CCDC171: variants seen among roughly 807,000 people sequenced by gnomAD.
CCDC171 encodes the protein coiled-coil domain-containing protein 171.
CCDC171 carries 177 observed loss-of-function variants against 168.2 expected under a neutral mutation model. That is an observed-to-expected ratio of 1.05 (90% CI 0.93 to 1.19). The LOEUF is 1.19. Ranked by LOEUF, CCDC171 falls within the 50% of genes most tolerant of loss-of-function variation. CCDC171 has a pLI of 0.00. For missense variants in CCDC171, 1,991 were observed against 1,539.0 expected (o/e 1.29, Z -4.91); for synonymous variants, 687 against 540.8 (o/e 1.27, Z -3.75).
At chr9:15,757,475 G>A (rs991660695) in intron 18 of CCDC171, among the ~76,000 whole-genome samples, 1 of 152,180 alleles carries the variant, frequency 6.6e-6, no homozygotes, top group African/African-American at 2.4e-5. Context: ...TACTGTTAAA[G>A]GCATTTAGTT....
chr9:15,569,734 G>A (rs1397558659), intron 2 of CCDC171, among the ~76,000 whole-genome samples: 1 of 151,432 alleles, frequency 6.6e-6, no homozygotes, highest in South Asian at 2.1e-4. Context: ...AGAATGGCGT[G>A]AACCCGGGAG....
At chr9:15,811,002 A>C (rs1054615987) in intron 21 of CCDC171, among the ~76,000 whole-genome samples, 1 of 152,244 alleles carries the variant, frequency 6.6e-6, no homozygotes, top group Admixed American at 6.5e-5. Flanking sequence ...TGTGGCTAGT[A>C]ACTGTCATAT....
chr9:16,062,162 G>A (rs529198381), downstream of CCDC171, among the ~76,000 whole-genome samples: 7 of 152,068 alleles, frequency 4.6e-5, no homozygotes, highest in Non-Finnish European at 1.0e-4. Flanking sequence ...CTGGGGCTGG[G>A]GATGATAGGG....
chr9:15,663,055 G>T (rs967977559), intron 8 of CCDC171, among the ~76,000 whole-genome samples: 1 of 152,114 alleles, frequency 6.6e-6, no homozygotes, highest in South Asian at 2.1e-4. Context: ...TAGCCACCCC[G>T]CAAAGTAGAT....
intron 3 of CCDC171, among the ~76,000 whole-genome samples, chr9:15,989,627 C>T (rs1267711167): frequency 6.6e-6 from 1 of 151,900 alleles, no homozygotes; most frequent in South Asian, 2.1e-4. Flanking sequence ...TCAAACTTCT[C>T]CGAGCTAAAG....
At chr9:16,005,804 C>T (rs1414568791) in intron 3 of CCDC171, among the ~76,000 whole-genome samples, 1 of 152,000 alleles carries the variant, frequency 6.6e-6, no homozygotes, top group Non-Finnish European at 1.5e-5. Context: ...GTGAGGGTGG[C>T]CTGGAACTAA....
At position 15,912,110 on chromosome 9, in the gene CCDC171, A is replaced by G. The variant is rs1823749442; in HGVS notation, c.3601-8160A>G. Among the ~76,000 whole-genome samples the G allele has an allele frequency of 3.3e-5, 5 of 152,308 alleles. No homozygotes were observed. The South Asian group carries it at 1.0e-3, about 32-fold the overall frequency. The stretch of plus-strand genomic sequence containing the variant: ...GGAAGCCAATGGTGGCTTGATGGCA[A>G]TGGCATTGAATGTATAAATTACTTT... On this transcript the variant is annotated intron_variant, in intron 24 of 25. Coordinates refer to ENST00000380701, the MANE Select transcript of CCDC171 (RefSeq NM_173550.4).
chr9:15,892,872 A>G (rs918579615), intron 24 of CCDC171, among the ~76,000 whole-genome samples: 2 of 152,184 alleles, frequency 1.3e-5, no homozygotes, highest in African/African-American at 4.8e-5. Flanking sequence ...CAAATAATTT[A>G]TAGATTCAAT....
chr9:15,758,363 A>T (rs2056254351), intron 18 of CCDC171, among the ~76,000 whole-genome samples: 1 of 152,194 alleles, frequency 6.6e-6, no homozygotes, highest in Non-Finnish European at 1.5e-5. Flanking sequence ...TGGGGCCTGT[A>T]GCCCCTTTGT....
chr9:15,716,628 G>C (rs1332472807), intron 11 of CCDC171, among the ~76,000 whole-genome samples: 1 of 152,136 alleles, frequency 6.6e-6, no homozygotes, highest in African/African-American at 2.4e-5. Context: ...AGTTCTGGAG[G>C]CTGGGAAATC....
chr9:15,756,325 A>G (rs545788087), intron 18 of CCDC171, among the ~76,000 whole-genome samples: 1 of 152,322 alleles, frequency 6.6e-6, no homozygotes, highest in East Asian at 1.9e-4. Context: ...AACAGAAACA[A>G]AAAATATTTT....
chr9:15,918,441 A>C (rs1824852685), intron 24 of CCDC171, among the ~76,000 whole-genome samples: 1 of 151,338 alleles, frequency 6.6e-6, no homozygotes, highest in African/African-American at 2.4e-5. Context: ...AAAAAAAAAA[A>C]ACCAGGACTT....
chr9:15,807,523 A>G (rs1253737867), intron 21 of CCDC171, among the ~76,000 whole-genome samples: 1 of 152,106 alleles, frequency 6.6e-6, no homozygotes, highest in African/African-American at 2.4e-5. Context: ...TGGGATCTCT[A>G]GCGAATGACA....
intron 18 of CCDC171, among the ~76,000 whole-genome samples, chr9:15,765,056 GT>G (rs574137643): frequency 7.1e-4 from 108 of 152,326 alleles, no homozygotes; most frequent in African/African-American, 2.5e-3. Context: ...AAGTAGGAGT[GT>G]AATTAATCAT....
chr9:15,590,791 T>TTTCTTTCTTTC (rs2041937957), intron 4 of CCDC171, among the ~76,000 whole-genome samples: 4 of 143,712 alleles, frequency 2.8e-5, no homozygotes, highest in African/African-American at 1.0e-4. Flanking sequence ...CTTTCTTTCT[T>TTTCTTTCTTTC]TCTTTCTTTC....
intron 1 of CCDC171, among the ~76,000 whole-genome samples, chr9:16,052,234 G>C (rs987530949): frequency 2.0e-5 from 3 of 152,130 alleles, no homozygotes; most frequent in Admixed American, 6.5e-5. Flanking sequence ...AGGGAGAGAG[G>C]GAGGCTCTGA....
At chr9:15,700,034 C>T (rs998349961) in intron 11 of CCDC171, among the ~76,000 whole-genome samples, 2 of 152,216 alleles carry the variant, frequency 1.3e-5, no homozygotes, top group Non-Finnish European at 2.9e-5. Flanking sequence ...AGTCCCGTGC[C>T]GTGTGACCGC....
intron 14 of CCDC171, among the ~76,000 whole-genome samples, chr9:15,725,918 T>C (rs2053772178): frequency 6.6e-6 from 1 of 152,236 alleles, no homozygotes; most frequent in Non-Finnish European, 1.5e-5. Flanking sequence ...TGTTTATTAA[T>C]GACTTATAAA....
chr9:15,922,101 A>G, intron 25 of CCDC171: 1 of 309,632 alleles, frequency 3.2e-6, no homozygotes. Flanking sequence ...CCCTTTGAAC[A>G]TATCTACAGG....
Sources: allele counts gnomAD v4.1 joint callset (sites outside exome capture counted in the v4.1 genomes callset), GRCh38; gene constraint gnomAD v4.1.1; transcripts MANE v1.5; gene names NCBI Gene and HGNC (gene_info 2026-07-23, HGNC 2026-07-21).